Variants in FRK observed in about 807,000 individuals in gnomAD.
FRK encodes the protein fyn related Src family tyrosine kinase, also known as tyrosine-protein kinase FRK.
In FRK, 51 loss-of-function variants were observed where a neutral mutation model predicts 56.4. The observed-to-expected ratio is 0.90, with a 90% CI of 0.72 to 1.14. FRK has a LOEUF of 1.14. Among genes scored for constraint, FRK ranks in the 50% most tolerant of loss-of-function variants. The probability of loss-of-function intolerance (pLI) is 0.00; values close to 1 mark genes in which losing one functional copy is unlikely to be tolerated. For synonymous variants in FRK, 245 were observed against 217.9 expected (o/e 1.12, Z -1.10); for missense variants, 570 against 601.4 (o/e 0.95, Z 0.55).
intron 2 of FRK, among the ~76,000 whole-genome samples, chr6:115,985,698 G>C (rs956211620): frequency 9.2e-5 from 14 of 151,986 alleles, no homozygotes; most frequent in South Asian, 2.1e-4. Context: ...GTTCAGGACA[G>C]TGTCTAGCAC....
chr6:115,968,623 T>C lies in FRK; in HGVS notation c.583A>G (p.Lys195Glu), dbSNP rs1477201928. The change falls in exon 3 of 8, where the codon AAG becomes GAG. Residue 195 changes from lysine (K) to glutamate (E), a missense_variant. Transcript: ENST00000606080. ...TLNEFVSHYT[K>E]TSDGLCVKLG... ...TTGACACACAGGCCGTCACTTGTCT[T>C]GGTGTAGTGGCTCACAAATTCGTTC... is the stretch of plus-strand genomic sequence containing the variant. 7 of 1,613,932 alleles carry C rather than the reference T, an allele frequency of 4.3e-6. No individual in the cohort carries two copies. Among genetic ancestry groups the C allele is most frequent in the Non-Finnish European group, 5.1e-6 (6 of 1,179,856 alleles).
Position 116,060,419 on chromosome 6 carries a change from C to T in FRK, c.-108G>A, listed in dbSNP as rs1393522469. The T allele has an allele frequency of 3.7e-6, 3 of 820,910 alleles. No individual in the cohort carries two copies. Among genetic ancestry groups the T allele is most frequent in the Non-Finnish European group, 5.8e-6 (3 of 517,110 alleles). The allele number at this position is 820,910 out of a possible 1,614,324, so 50.9% of individuals were successfully genotyped here. On this transcript the variant is annotated 5_prime_UTR_variant, in exon 1 of 8. It adds an upstream start codon to the 5' untranslated region. Coordinates refer to ENST00000606080, the MANE Select transcript of FRK (RefSeq NM_002031.3). ...CAACTTTGAAGTCAGCACCAACTCA[C>T]CATACTTCGGAGAGTATGCAAAGTC... is the stretch of plus-strand genomic sequence containing the variant.
At chr6:115,983,326 A>G (rs768707278) in intron 2 of FRK, among the ~76,000 whole-genome samples, 6 of 152,102 alleles carry the variant, frequency 3.9e-5, no homozygotes, top group Non-Finnish European at 2.9e-5. Flanking sequence ...ATCTCCCTCT[A>G]TTGTCAACCA....
At chr6:116,021,037 T>C (rs1438854506) in intron 1 of FRK, among the ~76,000 whole-genome samples, 1 of 152,172 alleles carries the variant, frequency 6.6e-6, no homozygotes, top group Non-Finnish European at 1.5e-5. Context: ...ATGTAATATT[T>C]TTATGATCCA....
chr6:116,022,599 C>T (rs111855134), intron 1 of FRK, among the ~76,000 whole-genome samples: 2 of 152,194 alleles, frequency 1.3e-5, no homozygotes, highest in African/African-American at 4.8e-5. Flanking sequence ...AAAAAGTCAA[C>T]ATCTATTCAT....
intron 1 of FRK, among the ~76,000 whole-genome samples, chr6:116,029,600 G>A (rs1319155409): frequency 1.3e-5 from 2 of 151,960 alleles, no homozygotes; most frequent in Admixed American, 6.6e-5. Context: ...ATTCAGTATT[G>A]TTCTATTGCA....
intron 1 of FRK, among the ~76,000 whole-genome samples, chr6:116,059,377 T>C (rs893181759): frequency 6.6e-6 from 1 of 152,092 alleles, no homozygotes; most frequent in African/African-American, 2.4e-5. Flanking sequence ...ATATCATAAT[T>C]TGGGTAGCAT....
chr6:116,073,890 A>C, the FRK span, among the ~76,000 whole-genome samples: 1 of 152,206 alleles, frequency 6.6e-6, no homozygotes, highest in Non-Finnish European at 1.5e-5. Context: ...AGCTGACACG[A>C]GAGTTCCAAA....
At chr6:116,069,269 A>G in the FRK span, among the ~76,000 whole-genome samples, 114 of 152,232 alleles carry the variant, frequency 7.5e-4, no homozygotes, top group South Asian at 4.6e-3. Context: ...ATATTTCACC[A>G]AGTTTGGGAT....
At chr6:116,068,499 T>A in the FRK span, among the ~76,000 whole-genome samples, 4 of 152,028 alleles carry the variant, frequency 2.6e-5, no homozygotes, top group African/African-American at 9.7e-5. Context: ...CAAAACCAAA[T>A]GCTGTATTTT....
In FRK at chr6:116,038,795, A is replaced by T. The variant is rs56969891; in HGVS notation, c.344+21173T>A. Reference sequence around the variant, plus strand: ...GAAGTTCGTTGGGGGGAACTGGAAGATGAACCGACGGAAGAAGAGCCTGGG... The same window carrying T: ...GAAGTTCGTTGGGGGGAACTGGAAGTTGAACCGACGGAAGAAGAGCCTGGG... On this transcript the variant is annotated intron_variant, in intron 1 of 7. Transcript: ENST00000606080. 1.6e-3 allele frequency: 795 copies of T among 499,658 alleles called. 9 individuals carry two copies. Among genetic ancestry groups the T allele is most frequent in the African/African-American group, 0.015 (757 of 51,346 alleles). 31.0% of individuals were successfully genotyped at this position (499,658 alleles called of 1,614,324 possible). A position where few individuals can be genotyped will look rare whatever the true frequency, so the allele number is the denominator to read the frequency against.
chr6:115,985,324 A>C (rs1277203075), intron 2 of FRK, among the ~76,000 whole-genome samples: 1 of 152,160 alleles, frequency 6.6e-6, no homozygotes, highest in Non-Finnish European at 1.5e-5. Context: ...CCTTTCAGGG[A>C]CTAAGATATA....
chr6:115,931,477 A>G lies in FRK; in HGVS notation c.*10937T>C, dbSNP rs544362394. On this transcript the variant is annotated 3_prime_UTR_variant, in exon 8 of 8. Coordinates refer to ENST00000606080, the MANE Select transcript of FRK (RefSeq NM_002031.3). ...TACATATAAATTAGTCATATGTAAT[A>G]TGTGTCACATGTAACTGTACAATAT... is the stretch of plus-strand genomic sequence containing the variant. The G allele has an allele frequency of 2.0e-5, 3 of 152,198 alleles. No homozygotes were observed. Among genetic ancestry groups the G allele is most frequent in the Non-Finnish European group, 4.4e-5 (3 of 68,006 alleles). The allele number at this position is 152,198 out of a possible 1,614,324, so 9.4% of individuals were successfully genotyped here.
chr6:116,024,219 G>A (rs994736997), intron 1 of FRK, among the ~76,000 whole-genome samples: 21 of 151,482 alleles, frequency 1.4e-4, no homozygotes, highest in African/African-American at 4.9e-4. Flanking sequence ...AGATACTTAT[G>A]TTTTTATTTA....
chr6:115,959,215 CAGTGA>C (rs1773226992), intron 4 of FRK, among the ~76,000 whole-genome samples: 2 of 152,300 alleles, frequency 1.3e-5, no homozygotes, highest in South Asian at 2.1e-4. Context: ...TTAATGGCCC[CAGTGA>C]AGTGAAGACA....
the FRK span, among the ~76,000 whole-genome samples, chr6:116,085,036 G>A: frequency 1.2e-4 from 19 of 152,192 alleles, no homozygotes; most frequent in Non-Finnish European, 2.2e-4. Flanking sequence ...AGTTAAGAGA[G>A]TGGTATGCCT....
chr6:116,012,722 G>A (rs907079678), intron 1 of FRK, among the ~76,000 whole-genome samples: 1 of 152,180 alleles, frequency 6.6e-6, no homozygotes, highest in South Asian at 2.1e-4. Context: ...GATAATGCCT[G>A]TGTTTTTGTG....
chr6:116,077,370 C>T, the FRK span, among the ~76,000 whole-genome samples: 19 of 152,194 alleles, frequency 1.2e-4, no homozygotes, highest in Non-Finnish European at 2.2e-4. Context: ...CAGCCCTTCC[C>T]CACCTTGATG....
At chr6:116,093,021 G>C in the FRK span, among the ~76,000 whole-genome samples, 3 of 152,252 alleles carry the variant, frequency 2.0e-5, no homozygotes, top group Middle Eastern at 3.4e-3. Flanking sequence ...CCTGCAGCTT[G>C]ACCTTTGCTG....
Sources: allele counts gnomAD v4.1 joint callset (sites outside exome capture counted in the v4.1 genomes callset), GRCh38; gene constraint gnomAD v4.1.1; transcripts MANE v1.5; gene names NCBI Gene and HGNC (gene_info 2026-07-23, HGNC 2026-07-21).